The following RARS1 variants were observed in gnomAD, a reference collection of about 807,000 sequenced individuals.
The protein encoded by RARS1 is arginyl-tRNA synthetase 1, also known as arginine--tRNA ligase, cytoplasmic.
In RARS1, 75 loss-of-function variants were observed where a neutral mutation model predicts 78.7. That is an observed-to-expected ratio of 0.95 (90% CI 0.79 to 1.15). RARS1 has a LOEUF of 1.15. RARS1 is among the 50% of genes most tolerant of loss of function. The pLI, the probability that RARS1 is intolerant of heterozygous loss-of-function variation, is 0.00. For synonymous variants in RARS1, 273 were observed against 268.2 expected, an observed-to-expected ratio of 1.02 and a Z score of -0.18; for missense variants, 787 against 787.5, an observed-to-expected ratio of 1.00 and a Z score of 0.01.
intron 2 of RARS1, among the ~76,000 whole-genome samples, chr5:168,491,515 G>A (rs1375765581): frequency 1.3e-5 from 2 of 152,160 alleles, no homozygotes; most frequent in Non-Finnish European, 2.9e-5. Flanking sequence ...TTGAAATCAG[G>A]TTTTTTAGTG....
chr5:168,500,415 G>A (rs554207051), intron 7 of RARS1, among the ~76,000 whole-genome samples, 176 bp from the exon 8 acceptor site: 22 of 152,062 alleles, frequency 1.4e-4, no homozygotes, highest in Non-Finnish European at 3.2e-4. Context: ...TGATTTCAAA[G>A]TTCTTTGGCA....
rs1220464336 is a variant in RARS1 at position 168,492,616 on chromosome 5, G to T, written c.181-43G>T. The T allele has an allele frequency of 2.1e-6, 3 of 1,454,772 alleles. No individual in the cohort carries two copies. The South Asian group carries it at 3.6e-5, about 18-fold the overall frequency. The allele number at this position is 1,454,772 out of a possible 1,614,324, so 90.1% of individuals were successfully genotyped here. On this transcript the variant is annotated intron_variant, in intron 2 of 14. Coordinates refer to ENST00000231572, the MANE Select transcript of RARS1 (RefSeq NM_002887.4). ...TTTGGAGACATCTTGTATGATGATGGTTTTACGTACATTATTGACATGTTT... is the reference window on the plus strand; with the variant it reads ...TTTGGAGACATCTTGTATGATGATGTTTTTACGTACATTATTGACATGTTT...
intron 12 of RARS1, among the ~76,000 whole-genome samples, chr5:168,512,604 G>C (rs1159682002): frequency 6.6e-6 from 1 of 152,214 alleles, no homozygotes; most frequent in African/African-American, 2.4e-5. Flanking sequence ...AAGCTGAAGA[G>C]CAAGGAGAGC....
At chr5:168,492,561 T>C (rs1342048252) in intron 2 of RARS1, 98 bp from the exon 3 acceptor site, 1 of 1,079,098 alleles carries the variant, frequency 9.3e-7, no homozygotes, top group Non-Finnish European at 1.3e-6. Flanking sequence ...TTTTGGTTCT[T>C]AAGATATTTG....
intron 9 of RARS1, among the ~76,000 whole-genome samples, chr5:168,505,342 C>CT (rs1462186839): frequency 6.6e-6 from 1 of 152,134 alleles, no homozygotes; most frequent in Non-Finnish European, 1.5e-5. Flanking sequence ...AGAATTCTGT[C>CT]TTTTTTATCA....
Position 168,493,774 on chromosome 5 carries a change from T to A in RARS1, c.370-120T>A, listed in dbSNP as rs74936344. The A allele has an allele frequency of 0.019, 14,109 of 726,064 alleles. 198 individuals are homozygous for A. Among genetic ancestry groups the A allele is most frequent in the Non-Finnish European group, 0.024 (10,291 of 431,366 alleles). The allele number at this position is 726,064 out of a possible 1,614,324, so 45.0% of individuals were successfully genotyped here. On this transcript the variant is annotated intron_variant, in intron 3 of 14. Transcript: ENST00000231572. ...GTCATTCATAATGTGATTGGACTTCTCTGCTTCTGCCTTTTGATGGTTCTT... is the reference window on the plus strand; with the variant it reads ...GTCATTCATAATGTGATTGGACTTCACTGCTTCTGCCTTTTGATGGTTCTT...
chr5:168,518,027 A>T lies in RARS1; in HGVS notation c.1838A>T (p.Asp613Val). The change falls in exon 14 of 15, where the codon GAT becomes GTT. Residue 613 changes from aspartate to valine, a missense_variant. Transcript: ENST00000231572. ...GCAACTGCTTTCACAGAGTTCTATG[A>T]TAGCTGCTACTGTGTGGAGAAAGAT... ...ELATAFTEFY[D>V]SCYCVEKDRQ... is the part of the protein sequence containing the mutation. 1 of 1,484,746 alleles carries T rather than the reference A, an allele frequency of 6.7e-7. No individual in the cohort carries two copies. Among genetic ancestry groups the T allele is most frequent in the South Asian group, 1.1e-5 (1 of 89,006 alleles). 92.0% of individuals were successfully genotyped at this position (1,484,746 alleles called of 1,614,324 possible).
chr5:168,518,272 C>G (rs1414426628), intron 14 of RARS1, among the ~76,000 whole-genome samples: 1 of 151,420 alleles, frequency 6.6e-6, no homozygotes, highest in East Asian at 1.9e-4. Flanking sequence ...ATTTAGTAGC[C>G]ATATTAGGGA....
chr5:168,518,067 G>A lies in RARS1; in HGVS notation c.1873+5G>A, dbSNP rs751976223. On this transcript the variant is annotated splice_donor_5th_base_variant and intron_variant, in intron 14 of 14. Coordinates refer to ENST00000231572, the MANE Select transcript of RARS1 (RefSeq NM_002887.4). ...TGGAGAAAGATAGACAGACTGGTGA[G>A]TGTCTTTTTTTTTTTTTTTTTTTTT... 16 of 782,156 alleles carry A rather than the reference G, an allele frequency of 2.0e-5. No homozygotes were observed. In the African/African-American group the frequency reaches 3.5e-4, roughly 17 times the overall value. The allele number at this position is 782,156 out of a possible 1,614,324, so 48.5% of individuals were successfully genotyped here.
Position 168,506,019 on chromosome 5 carries a change from A to G in RARS1, c.1058-2A>G. The G allele has an allele frequency of 6.3e-7, 1 of 1,593,580 alleles. No individual in the cohort carries two copies. Among genetic ancestry groups the G allele is most frequent in the Non-Finnish European group, 8.5e-7 (1 of 1,172,982 alleles). On this transcript the variant is annotated splice_acceptor_variant, in intron 9 of 14. Transcript: ENST00000231572. LOFTEE classifies it high-confidence loss of function. ...ATTAATGAAGTGTTTTTTACCCCCTAGGATTTGTGCAGGTGGATGATGGCA... is the reference window on the plus strand; with the variant it reads ...ATTAATGAAGTGTTTTTTACCCCCTGGGATTTGTGCAGGTGGATGATGGCA...
intron 4 of RARS1, chr5:168,494,299 A>C (rs1415849769): frequency 2.0e-6 from 2 of 985,346 alleles, no homozygotes; most frequent in African/African-American, 1.7e-5. Flanking sequence ...TTTTCTGTTA[A>C]GAGGCGAACA....
At chr5:168,505,950 A>G in intron 9 of RARS1, 71 bp from the exon 10 acceptor site, 1 of 1,156,440 alleles carries the variant, frequency 8.6e-7, no homozygotes, top group Admixed American at 2.3e-5. Flanking sequence ...TTTACATAGT[A>G]GAATGAGTAA....
chr5:168,488,189 AC>A (rs1758007312), intron 1 of RARS1: 2 of 380,980 alleles, frequency 5.2e-6, no homozygotes, highest in African/African-American at 4.3e-5. Context: ...GTGCAGTGGC[AC>A]GATCTCGACT....
At chr5:168,503,386 A>G (rs991523789) in intron 9 of RARS1, among the ~76,000 whole-genome samples, 1 of 152,226 alleles carries the variant, frequency 6.6e-6, no homozygotes, top group African/African-American at 2.4e-5. Flanking sequence ...CATATAAAAC[A>G]GGTAGGGTAG....
At chr5:168,517,133 G>T (rs953214721) in intron 13 of RARS1, among the ~76,000 whole-genome samples, 183 bp downstream of exon 13, 19 of 150,212 alleles carry the variant, frequency 1.3e-4, no homozygotes, top group South Asian at 1.1e-3. Flanking sequence ...CTTCTAAAGT[G>T]TTTTTTTTTG....
chr5:168,493,136 G>T (rs1415756107), intron 3 of RARS1: 5 of 263,266 alleles, frequency 1.9e-5, no homozygotes, highest in African/African-American at 1.1e-4. Context: ...GCTGTGTGGT[G>T]GTGATGAGTG....
At position 168,506,776 on chromosome 5, in the gene RARS1, C is replaced by T. The variant is rs549464420; in HGVS notation, c.1291C>T (p.Pro431Ser). 11 of 1,613,692 alleles carry T rather than the reference C, an allele frequency of 6.8e-6. No homozygotes were observed. Among genetic ancestry groups the T allele is most frequent in the Non-Finnish European group, 8.5e-6 (10 of 1,179,810 alleles). Residue 431 changes from proline (P) to serine (S), a missense_variant, in exon 11 of 15, where the codon CCT (proline) becomes TCT (serine). Transcript: ENST00000231572. Reference sequence around the variant, plus strand: ...TGCTCAAATGATTGGTTGGTATGACCCTAAAGTAACTCGAGTCTTCCATGC... The same window carrying T: ...TGCTCAAATGATTGGTTGGTATGACTCTAAAGTAACTCGAGTCTTCCATGC... ...AAAQMIGWYD[P>S]KVTRVFHAGF...
At chr5:168,512,833 G>A (rs749710651) in intron 12 of RARS1, among the ~76,000 whole-genome samples, 36 of 152,108 alleles carry the variant, frequency 2.4e-4, no homozygotes, top group Non-Finnish European at 2.9e-5. Flanking sequence ...AATCTCCTTT[G>A]GCAACACTCT....
chr5:168,505,733 A>G (rs2152905261), intron 9 of RARS1, among the ~76,000 whole-genome samples: 2 of 151,246 alleles, frequency 1.3e-5, no homozygotes, highest in East Asian at 3.9e-4. Context: ...AAAAAAAAAA[A>G]AAGCAGTTGG....
Sources: gnomAD v4.1 joint callset for allele counts (sites outside exome capture counted in the v4.1 genomes callset) on GRCh38, gnomAD v4.1.1 for gene constraint, MANE v1.5 for transcripts, NCBI Gene and HGNC (gene_info 2026-07-23, HGNC 2026-07-21) for gene names.